The following DECR1 variants were observed in gnomAD, a reference collection of about 807,000 sequenced individuals.
DECR1 encodes the protein 2,4-dienoyl-CoA reductase [(3E)-enoyl-CoA-producing], mitochondrial.
Under a neutral mutation model 38.8 loss-of-function variants are expected in DECR1, and 44 were observed. That is an observed-to-expected ratio of 1.13 (90% CI 0.89 to 1.46). The LOEUF (loss-of-function observed/expected upper bound fraction) is 1.46. Among genes scored for constraint, DECR1 ranks in the 40% most tolerant of loss-of-function variants. The probability of loss-of-function intolerance (pLI) is 0.00; values close to 1 mark genes in which losing one functional copy is unlikely to be tolerated. For synonymous variants in DECR1, 148 were observed against 135.2 expected, an observed-to-expected ratio of 1.09 and a Z score of -0.66; for missense variants, 428 against 405.5, an observed-to-expected ratio of 1.06 and a Z score of -0.48.
chr8:90,026,065 G>A (rs1027759359), intron 5 of DECR1, among the ~76,000 whole-genome samples: 20 of 152,190 alleles, frequency 1.3e-4, no homozygotes, highest in Middle Eastern at 3.2e-3. Flanking sequence ...GCATCCCAGG[G>A]ATGAAGCCCA....
intron 5 of DECR1, among the ~76,000 whole-genome samples, chr8:90,026,663 C>G (rs1813351402): frequency 6.6e-6 from 1 of 151,708 alleles, no homozygotes; most frequent in Admixed American, 6.6e-5. Context: ...GTTGACCTTT[C>G]CAAAAACGAG....
chr8:90,022,205 C>T (rs1813181248), intron 5 of DECR1, among the ~76,000 whole-genome samples: 1 of 152,112 alleles, frequency 6.6e-6, no homozygotes, highest in Non-Finnish European at 1.5e-5. Context: ...GGAAAGAGGG[C>T]ATGGAGCTGG....
At chr8:90,050,966 T>G (rs576184478) in intron 8 of DECR1, among the ~76,000 whole-genome samples, 97 of 152,166 alleles carry the variant, frequency 6.4e-4, no homozygotes, top group African/African-American at 2.2e-3. Flanking sequence ...TAAGTGGGAA[T>G]TGAACAATGA....
At chr8:90,026,403 G>C (rs1363738512) in intron 5 of DECR1, among the ~76,000 whole-genome samples, 1 of 151,950 alleles carries the variant, frequency 6.6e-6, no homozygotes, top group Non-Finnish European at 1.5e-5. Flanking sequence ...ATTTCAGAGT[G>C]TGTTATTGGT....
In DECR1 at chr8:90,029,821, C is replaced by T. The variant is rs139800983; in HGVS notation, c.566-7020C>T. ...GGAGCACCCTCAGCCTGTCCAGTCTCTATACTAGCCCGTTTGACTGATCCA... is the reference window on the plus strand; with the variant it reads ...GGAGCACCCTCAGCCTGTCCAGTCTTTATACTAGCCCGTTTGACTGATCCA... On this transcript the variant is annotated intron_variant, in intron 5 of 9. Coordinates refer to ENST00000220764, the MANE Select transcript of DECR1 (RefSeq NM_001359.2). Among the ~76,000 whole-genome samples the T allele has an allele frequency of 7.9e-5, 12 of 152,232 alleles. No individual in the cohort carries two copies. The East Asian group carries it at 2.3e-3, about 30-fold the overall frequency.
At position 90,044,980 on chromosome 8, in the gene DECR1, T is replaced by C; in HGVS notation, c.870T>C (p.Ser290=). ...LAAFLCSDYA[S]WINGAVIKFD... is the part of the protein sequence containing the mutation. The stretch of plus-strand genomic sequence containing the variant: ...CTTTCCTTTGTAGTGATTATGCTTC[T>C]TGGATTAATGGAGCAGTAAGCGTTG... The change falls in exon 8 of 10, where the codon TCT becomes TCC. Residue 290 remains serine (S), a synonymous_variant. Coordinates refer to ENST00000220764, the MANE Select transcript of DECR1 (RefSeq NM_001359.2). The C allele has an allele frequency of 1.2e-6, 2 of 1,613,966 alleles. No individual in the cohort carries two copies. Among genetic ancestry groups the C allele is most frequent in the East Asian group, 2.2e-5 (1 of 44,868 alleles).
At chr8:90,012,570 T>C (rs1323292859) in intron 1 of DECR1, among the ~76,000 whole-genome samples, 1 of 152,240 alleles carries the variant, frequency 6.6e-6, no homozygotes, top group East Asian at 1.9e-4. Flanking sequence ...TTCAATCATA[T>C]ATTCACATAA....
At chr8:90,015,569 G>T in intron 1 of DECR1, 1 of 434,410 alleles carries the variant, frequency 2.3e-6, no homozygotes, top group South Asian at 1.6e-5. Flanking sequence ...CTAAATCATT[G>T]ACCACATTTC....
In DECR1 at chr8:90,019,151, C is replaced by G. The variant is rs754497322; in HGVS notation, c.396C>G (p.Ile132Met). The change falls in exon 4 of 10, where the codon ATC (isoleucine) becomes ATG (methionine). Residue 132 changes from isoleucine to methionine, a missense_variant. By Grantham distance (10) the Ile-to-Met change is conservative (BLOSUM62 1). Transcript: ENST00000220764. ...TTCAAAACACTGTGTCAGAACTGAT[C>G]AAAGTTGCAGGACATCCTAATGTAA... ...DMVQNTVSEL[I>M]KVAGHPNIVI... 1.9e-6 allele frequency: 3 copies of G among 1,613,936 alleles called. No homozygotes were observed. Among genetic ancestry groups the G allele is most frequent in the African/African-American group, 2.7e-5 (2 of 74,912 alleles).
At position 90,015,086 on chromosome 8, in the gene DECR1, T is replaced by G. The variant is rs536415868; in HGVS notation, c.70-2038T>G. Among the ~76,000 whole-genome samples, 13 of 152,240 alleles carry G rather than the reference T, an allele frequency of 8.5e-5. No individual in the cohort carries two copies. In the East Asian group the frequency reaches 2.5e-3, roughly 29 times the overall value. ...ATCTCAAATTTTGTCTTTCAGTAAC[T>G]TTTTTTCTGCTTGTAAAGATCTAAT... On this transcript the variant is annotated intron_variant, in intron 1 of 9. Coordinates refer to ENST00000220764, the MANE Select transcript of DECR1 (RefSeq NM_001359.2).
chr8:90,025,012 G>C (rs1813293074), intron 5 of DECR1, among the ~76,000 whole-genome samples: 1 of 152,160 alleles, frequency 6.6e-6, no homozygotes, highest in Non-Finnish European at 1.5e-5. Context: ...TGTCAGGTTT[G>C]TCAAAGATCA....
chr8:90,018,284 T>C (rs1038509688), intron 2 of DECR1, among the ~76,000 whole-genome samples: 2 of 152,328 alleles, frequency 1.3e-5, no homozygotes, highest in South Asian at 2.1e-4. Flanking sequence ...GAATTTCTTC[T>C]TATTAGGCAT....
chr8:90,017,263 G>A lies in DECR1; in HGVS notation c.209G>A (p.Gly70Asp). 6.2e-7 allele frequency: 1 copy of A among 1,614,200 alleles called. No individual in the cohort carries two copies. Among genetic ancestry groups the A allele is most frequent in the Non-Finnish European group, 8.5e-7 (1 of 1,180,034 alleles). ...GCATTCATTACTGGGGGAGGTACTG[G>A]CCTTGGTAAAGGAATGACAACTCTT... ...KVAFITGGGTGLGKGMTTLLS... is the reference protein window; with the variant it reads ...KVAFITGGGTDLGKGMTTLLS... The change falls in exon 2 of 10, where the codon GGC (glycine) becomes GAC (aspartate). Residue 70 changes from glycine (G) to aspartate (D), a missense_variant. Physicochemically the swap from Gly to Asp is moderately conservative, Grantham distance 94. Transcript: ENST00000220764.
intron 1 of DECR1, among the ~76,000 whole-genome samples, chr8:90,001,830 A>G (rs562674712): frequency 2.1e-4 from 32 of 149,282 alleles, no homozygotes; most frequent in Non-Finnish European, 4.1e-4. Context: ...GAGCGCTAAG[A>G]GAGCACAGAG....
chr8:90,038,294 T>C (rs1813664293), intron 6 of DECR1, among the ~76,000 whole-genome samples: 1 of 152,166 alleles, frequency 6.6e-6, no homozygotes. Flanking sequence ...GATGTTTTGC[T>C]TACTTCCTTT....
chr8:90,017,740 T>C (rs1813045355), intron 2 of DECR1, among the ~76,000 whole-genome samples: 1 of 152,264 alleles, frequency 6.6e-6, no homozygotes, highest in South Asian at 2.1e-4. Context: ...CTGGGCAACA[T>C]AGTGAGACCT....
At chr8:90,016,361 G>T in intron 1 of DECR1, among the ~76,000 whole-genome samples, 1 of 152,192 alleles carries the variant, frequency 6.6e-6, no homozygotes. Context: ...ATTTGGTCGG[G>T]TGTGGTGGCT....
chr8:90,026,885 T>G (rs1813359690), intron 5 of DECR1, among the ~76,000 whole-genome samples: 1 of 152,246 alleles, frequency 6.6e-6, no homozygotes, highest in South Asian at 2.1e-4. Context: ...CTCTACACAC[T>G]GCTTTAAATG....
At chr8:90,027,996 A>G (rs1411774754) in intron 5 of DECR1, among the ~76,000 whole-genome samples, 3 of 152,048 alleles carry the variant, frequency 2.0e-5, no homozygotes, top group East Asian at 3.9e-4. Flanking sequence ...CTTAATGCTT[A>G]CTTTGTCATT....
Sources: gnomAD v4.1 joint callset for allele counts (sites outside exome capture counted in the v4.1 genomes callset) on GRCh38, gnomAD v4.1.1 for gene constraint, MANE v1.5 for transcripts, NCBI Gene and HGNC (gene_info 2026-07-23, HGNC 2026-07-21) for gene names.